Variants in DSCAM observed in about 807,000 individuals in gnomAD.
DSCAM encodes the protein cell adhesion molecule DSCAM.
In DSCAM, 47 loss-of-function variants were observed where a neutral mutation model predicts 217.7. That is an observed-to-expected ratio of 0.22 (90% CI 0.17 to 0.28). The LOEUF (loss-of-function observed/expected upper bound fraction) is 0.28, where lower values mean the gene tolerates loss of function less well. Among genes scored for constraint, DSCAM ranks in the 10% least tolerant of loss-of-function variants. The probability of loss-of-function intolerance (pLI) is 1.00; values close to 1 mark genes in which losing one functional copy is unlikely to be tolerated. For missense variants in DSCAM, 2,080 were observed against 2,618.3 expected, an observed-to-expected ratio of 0.79 and a Z score of 4.49; for synonymous variants, 1,056 against 1,015.3, an observed-to-expected ratio of 1.04 and a Z score of -0.76.
intron 3 of DSCAM, among the ~76,000 whole-genome samples, chr21:40,544,497 C>T (rs2076566107): frequency 6.6e-6 from 1 of 152,096 alleles, no homozygotes; most frequent in Non-Finnish European, 1.5e-5. Flanking sequence ...GGAGAGGCCA[C>T]ACAGAGACAT....
chr21:40,097,505 C>G (rs2089690416), intron 20 of DSCAM, among the ~76,000 whole-genome samples: 1 of 152,012 alleles, frequency 6.6e-6, no homozygotes, highest in African/African-American at 2.4e-5. Context: ...CAGCAGAACT[C>G]AAATAGCAAA....
At position 40,134,017 on chromosome 21, in the gene DSCAM, A is replaced by T. The variant is rs749058682; in HGVS notation, c.3407-8T>A. On this transcript the variant is annotated splice_polypyrimidine_tract_variant and splice_region_variant and intron_variant, in intron 18 of 32. Coordinates refer to ENST00000400454, the MANE Select transcript of DSCAM (RefSeq NM_001389.5). ...TTTTAATCTCACCCAGCTCTGGAGG[A>T]CAAGAACAAGAAAACAAAATCCCAC... 6.2e-7 allele frequency: 1 copy of T among 1,600,984 alleles called. No individual in the cohort carries two copies. Among genetic ancestry groups the T allele is most frequent in the Non-Finnish European group, 8.5e-7 (1 of 1,174,762 alleles).
At chr21:40,636,677 A>T (rs1266990515) in intron 3 of DSCAM, among the ~76,000 whole-genome samples, 1 of 151,530 alleles carries the variant, frequency 6.6e-6, no homozygotes, top group African/African-American at 2.4e-5. Context: ...CTCCACTTCT[A>T]TATCTATAAA....
At chr21:40,358,075 A>C (rs2074715555) in intron 4 of DSCAM, among the ~76,000 whole-genome samples, 1 of 152,156 alleles carries the variant, frequency 6.6e-6, no homozygotes, top group Non-Finnish European at 1.5e-5. Context: ...GGGGTGGCTG[A>C]CAATAAACAC....
chr21:40,489,345 T>A (rs1294532334), intron 3 of DSCAM, among the ~76,000 whole-genome samples: 2 of 152,120 alleles, frequency 1.3e-5, no homozygotes, highest in Non-Finnish European at 2.9e-5. Context: ...CCTTCCTGGG[T>A]CCCCTGCTGA....
chr21:40,821,125 T>C (rs1415425130), intron 1 of DSCAM, among the ~76,000 whole-genome samples: 2 of 73,318 alleles, frequency 2.7e-5, no homozygotes, highest in African/African-American at 1.1e-4. Context: ...TATATAGATA[T>C]ATATATCTTC....
At chr21:40,518,845 A>G (rs75724439) in intron 3 of DSCAM, among the ~76,000 whole-genome samples, 6,112 of 151,870 alleles carry the variant, frequency 0.04, 255 homozygotes, top group East Asian at 0.21. Flanking sequence ...ATTATCATGC[A>G]AACACCACAG....
intron 4 of DSCAM, among the ~76,000 whole-genome samples, chr21:40,363,252 C>CTTTTTTTTTT (rs35756323): frequency 1.7e-5 from 2 of 116,168 alleles, no homozygotes; most frequent in African/African-American, 3.3e-5. Flanking sequence ...TTTTTGTGTT[C>CTTTTTTTTTT]TTTTTTTTTT....
intron 4 of DSCAM, among the ~76,000 whole-genome samples, chr21:40,363,309 A>G (rs1056353491): frequency 1.5e-4 from 22 of 146,910 alleles, no homozygotes; most frequent in African/African-American, 4.6e-4. Context: ...CTGGAGTGCA[A>G]TGGTGCCATC....
Position 40,708,665 on chromosome 21 carries a change from G to A in DSCAM, c.150C>T (p.Gly50=), listed in dbSNP as rs1262544625. The A allele has an allele frequency of 1.2e-6, 2 of 1,613,310 alleles. No individual in the cohort carries two copies. The highest frequency in any genetic ancestry group is 2.7e-5 in the African/African-American group (2 of 74,926). Residue 50 remains glycine (G), a synonymous_variant, in exon 2 of 33, where the codon GGC becomes GGT. Coordinates refer to ENST00000400454, the MANE Select transcript of DSCAM (RefSeq NM_001389.5). The part of the protein sequence containing the change: ...TGTLVPCPAA[G]IPPVTLRWYL... ...ACCATCTGAGAGTCACAGGAGGGAT[G>A]CCTGCTGCGGGGCAGGGCACCAGAG...
chr21:40,394,059 T>G (rs2123760501), intron 3 of DSCAM, among the ~76,000 whole-genome samples: 1 of 152,346 alleles, frequency 6.6e-6, no homozygotes, highest in African/African-American at 2.4e-5. Flanking sequence ...ATACTTTTTC[T>G]TAAAGAAAGA....
chr21:40,381,810 A>G (rs552598842), intron 3 of DSCAM, among the ~76,000 whole-genome samples: 1 of 152,202 alleles, frequency 6.6e-6, no homozygotes, highest in Non-Finnish European at 1.5e-5. Context: ...AGTTTCATGG[A>G]TTGCAGCTTT....
chr21:40,532,676 C>T (rs543356290), intron 3 of DSCAM, among the ~76,000 whole-genome samples: 7 of 152,086 alleles, frequency 4.6e-5, no homozygotes, highest in Admixed American at 2.0e-4. Context: ...ATAAGATGGC[C>T]AAGGGCATCC....
At chr21:40,444,518 C>T (rs952485675) in intron 3 of DSCAM, among the ~76,000 whole-genome samples, 3 of 152,148 alleles carry the variant, frequency 2.0e-5, no homozygotes, top group Admixed American at 2.0e-4. Context: ...CCTGGAGCAC[C>T]CATGAGCAAG....
At chr21:40,783,579 G>A (rs1456054086) in intron 1 of DSCAM, among the ~76,000 whole-genome samples, 1 of 152,118 alleles carries the variant, frequency 6.6e-6, no homozygotes, top group African/African-American at 2.4e-5. Context: ...TATCTGCTGC[G>A]GGTGACACAG....
chr21:40,813,317 T>C (rs183096383), intron 1 of DSCAM, among the ~76,000 whole-genome samples: 41 of 152,296 alleles, frequency 2.7e-4, no homozygotes, highest in African/African-American at 7.7e-4. Context: ...TTAATCTAAA[T>C]AACTGTGGTA....
chr21:40,305,209 G>T (rs1304454), intron 9 of DSCAM, among the ~76,000 whole-genome samples: 5,004 of 152,042 alleles, frequency 0.033, 282 homozygotes, highest in African/African-American at 0.11. Flanking sequence ...GGCCAACGTG[G>T]TGAAACCTTG....
intron 9 of DSCAM, among the ~76,000 whole-genome samples, chr21:40,306,156 A>G (rs2074073080): frequency 6.6e-6 from 1 of 150,668 alleles, no homozygotes; most frequent in South Asian, 2.1e-4. Context: ...GAGGTCCTTC[A>G]CATCCCTTGT....
At chr21:40,731,935 C>T (rs1035708851) in intron 1 of DSCAM, among the ~76,000 whole-genome samples, 1 of 152,028 alleles carries the variant, frequency 6.6e-6, no homozygotes, top group Non-Finnish European at 1.5e-5. Context: ...TCACGTTGGC[C>T]CGGCTGGTCT....
Sources: gnomAD v4.1 joint callset for allele counts (sites outside exome capture counted in the v4.1 genomes callset) on GRCh38, gnomAD v4.1.1 for gene constraint, MANE v1.5 for transcripts, NCBI Gene and HGNC (gene_info 2026-07-23, HGNC 2026-07-21) for gene names.